FGF12: variants seen among roughly 807,000 people sequenced by gnomAD.
FGF12 encodes the protein fibroblast growth factor 12B.
A neutral mutation model predicts 23.6 loss-of-function variants in FGF12; 14 were observed. The observed-to-expected ratio is 0.59, with a 90% CI of 0.39 to 0.93. The LOEUF (loss-of-function observed/expected upper bound fraction) is 0.93. FGF12 is among the 40% of genes least tolerant of loss of function. The pLI, the probability that FGF12 is intolerant of heterozygous loss-of-function variation, is 0.00. For missense variants in FGF12, 175 were observed against 217.8 expected, an observed-to-expected ratio of 0.80 and a Z score of 1.24; for synonymous variants, 62 against 77.3, an observed-to-expected ratio of 0.80 and a Z score of 1.04.
chr3:192,259,174 A>T (rs896986443), intron 4 of FGF12, among the ~76,000 whole-genome samples: 1 of 152,178 alleles, frequency 6.6e-6, no homozygotes, highest in African/African-American at 2.4e-5. Context: ...AGCTTGATTA[A>T]TATGACTGGA....
Position 192,727,411 on chromosome 3 carries a change from T to C in FGF12, c.-131+73A>G, listed in dbSNP as rs1000147205. ...AGCAGCAGATTGCCTCTACAGGGGA[T>C]ACGTTGCGACGCGCATCTGATACTG... is the stretch of plus-strand genomic sequence containing the variant. On this transcript the variant is annotated intron_variant, in intron 1 of 5. Coordinates refer to ENST00000445105, the MANE Select transcript of FGF12 (RefSeq NM_004113.6). 3 of 1,392,726 alleles carry C rather than the reference T, an allele frequency of 2.2e-6. No individual in the cohort carries two copies. The African/African-American group carries it at 4.4e-5, about 20-fold the overall frequency. 86.3% of individuals were successfully genotyped at this position (1,392,726 alleles called of 1,614,324 possible). A position where few individuals can be genotyped will look rare whatever the true frequency, so the allele number is the denominator to read the frequency against.
intron 4 of FGF12, among the ~76,000 whole-genome samples, chr3:192,196,547 G>A (rs1473352132): frequency 6.7e-6 from 1 of 149,788 alleles, no homozygotes; most frequent in Admixed American, 6.6e-5. Flanking sequence ...TTAATTGCCT[G>A]GGAGACAAAA....
At chr3:192,271,713 A>C (rs1713449374) in intron 4 of FGF12, among the ~76,000 whole-genome samples, 1 of 152,182 alleles carries the variant, frequency 6.6e-6, no homozygotes, top group South Asian at 2.1e-4. Flanking sequence ...CCCAGATTAG[A>C]TCAGTCCACT....
intron 2 of FGF12, among the ~76,000 whole-genome samples, chr3:192,667,787 C>T (rs545247713): frequency 6.6e-6 from 1 of 151,616 alleles, no homozygotes; most frequent in South Asian, 2.1e-4. Flanking sequence ...TAACAGGAGG[C>T]GAGAGGTCAG....
intron 5 of FGF12, among the ~76,000 whole-genome samples, chr3:192,158,144 C>T (rs1348340252): frequency 6.6e-6 from 1 of 152,138 alleles, no homozygotes; most frequent in African/African-American, 2.4e-5. Context: ...CCCCAAACCT[C>T]ATGGTTGTAC....
chr3:192,511,471 T>C (rs945850922), intron 2 of FGF12, among the ~76,000 whole-genome samples: 1 of 152,196 alleles, frequency 6.6e-6, no homozygotes, highest in Non-Finnish European at 1.5e-5. Context: ...GACTACATTT[T>C]GAGAGGAATG....
chr3:192,484,573 TATC>T (rs1723575867), intron 2 of FGF12, among the ~76,000 whole-genome samples: 1 of 152,284 alleles, frequency 6.6e-6, no homozygotes, highest in Non-Finnish European at 1.5e-5. Flanking sequence ...AAGAGGGAAT[TATC>T]ATTTAAACTG....
At chr3:192,685,507 C>T (rs1434702668) in intron 2 of FGF12, among the ~76,000 whole-genome samples, 1 of 152,120 alleles carries the variant, frequency 6.6e-6, no homozygotes, top group Non-Finnish European at 1.5e-5. Flanking sequence ...TCCAAGAGCT[C>T]GCAAAGCAGA....
intron 2 of FGF12, among the ~76,000 whole-genome samples, chr3:192,368,322 T>C (rs946482584): frequency 1.3e-5 from 2 of 152,148 alleles, no homozygotes; most frequent in Non-Finnish European, 1.5e-5. Context: ...AGTAGGAAGA[T>C]GGAAAATAAA....
chr3:192,689,404 C>CA (rs1267153174), intron 2 of FGF12, among the ~76,000 whole-genome samples: 11 of 151,546 alleles, frequency 7.3e-5, no homozygotes, highest in Non-Finnish European at 1.3e-4. Flanking sequence ...CAAGAGAGCA[C>CA]AAAAAACAGT....
intron 4 of FGF12, among the ~76,000 whole-genome samples, chr3:192,217,900 G>A (rs942278269): frequency 1.3e-5 from 2 of 151,622 alleles, no homozygotes; most frequent in South Asian, 2.1e-4. Context: ...GCAATGGCAT[G>A]ATCTCGGCTC....
At chr3:192,352,453 A>G (rs1718269684) in intron 3 of FGF12, among the ~76,000 whole-genome samples, 1 of 152,250 alleles carries the variant, frequency 6.6e-6, no homozygotes, top group Non-Finnish European at 1.5e-5. Context: ...ACAAGTTCTC[A>G]GATACATAGA....
At chr3:192,578,773 G>A (rs925245501) in intron 2 of FGF12, among the ~76,000 whole-genome samples, 4 of 152,134 alleles carry the variant, frequency 2.6e-5, no homozygotes, top group Admixed American at 6.5e-5. Flanking sequence ...TAAGAACTGG[G>A]TCACCATATG....
chr3:192,635,817 TGG>T (rs1715559743), intron 2 of FGF12, among the ~76,000 whole-genome samples: 2 of 152,228 alleles, frequency 1.3e-5, no homozygotes, highest in African/African-American at 2.4e-5. Flanking sequence ...TGGAGAAGTC[TGG>T]ATAAGATGTA....
chr3:192,660,069 A>G (rs9865657), intron 2 of FGF12, among the ~76,000 whole-genome samples: 84,688 of 150,938 alleles, frequency 0.56, 24,137 homozygotes, highest in East Asian at 0.67. Flanking sequence ...ACGTATGTTT[A>G]TTGTGGCACT....
rs773570110 is a variant in FGF12, at chr3:192,512,835, A to AATATAT, written c.14-152303_14-152298dup. Among the ~76,000 whole-genome samples the AATATAT allele has an allele frequency of 1.8e-3, 142 of 76,762 alleles. 4 individuals are homozygous for AATATAT. The highest frequency in any genetic ancestry group is 7.7e-3 in the African/African-American group (120 of 15,684). The allele number at this position is 76,762 out of a possible 152,430, so 50.4% of individuals were successfully genotyped here. A position where few individuals can be genotyped will look rare whatever the true frequency, so the allele number is the denominator to read the frequency against. ...GTTAAACCTAGAGTATACTCAAATAAATATATATATATATATATATATATA... is the reference window on the plus strand; with the variant it reads ...GTTAAACCTAGAGTATACTCAAATAAATATATATATATATATATATATATATATATA... On this transcript the variant is annotated intron_variant, in intron 2 of 5. Coordinates refer to ENST00000445105, the MANE Select transcript of FGF12 (RefSeq NM_004113.6).
intron 2 of FGF12, among the ~76,000 whole-genome samples, chr3:192,706,716 A>C (rs552157046): frequency 6.6e-6 from 1 of 152,216 alleles, no homozygotes; most frequent in Non-Finnish European, 1.5e-5. Flanking sequence ...TAGAAAGATA[A>C]AATGAAATGT....
chr3:192,475,889 T>C (rs756415333), intron 2 of FGF12, among the ~76,000 whole-genome samples: 6 of 152,012 alleles, frequency 3.9e-5, no homozygotes, highest in Non-Finnish European at 5.9e-5. Flanking sequence ...AGATGATAGA[T>C]AGATAATAGA....
At chr3:192,227,857 A>G (rs965598022) in intron 4 of FGF12, among the ~76,000 whole-genome samples, 1 of 152,336 alleles carries the variant, frequency 6.6e-6, no homozygotes, top group Non-Finnish European at 1.5e-5. Flanking sequence ...TTGAAAGAGA[A>G]CTGCAAATAG....
Sources: allele counts gnomAD v4.1 joint callset (sites outside exome capture counted in the v4.1 genomes callset), GRCh38; gene constraint gnomAD v4.1.1; transcripts MANE v1.5; gene names NCBI Gene and HGNC (gene_info 2026-07-23, HGNC 2026-07-21).